Variants in TMEM178B observed in about 807,000 individuals in gnomAD.
The protein encoded by TMEM178B is transmembrane protein 178B.
TMEM178B carries 5 observed loss-of-function variants against 31.0 expected under a neutral mutation model. The observed-to-expected ratio is 0.16, with a 90% CI of 0.08 to 0.34. TMEM178B has a LOEUF of 0.34. Among genes scored for constraint, TMEM178B ranks in the 10% least tolerant of loss-of-function variants. The pLI is 1.00. For synonymous variants in TMEM178B, 164 were observed against 164.0 expected, an observed-to-expected ratio of 1.00 and a Z score of 0.00; for missense variants, 275 against 400.3, an observed-to-expected ratio of 0.69 and a Z score of 2.67.
chr7:141,395,451 T>G (rs1454423228), intron 2 of TMEM178B, among the ~76,000 whole-genome samples: 1 of 152,014 alleles, frequency 6.6e-6, no homozygotes, highest in Non-Finnish European at 1.5e-5. Context: ...AAAAACAAAA[T>G]CAAAAAGAAT....
intron 1 of TMEM178B, among the ~76,000 whole-genome samples, chr7:141,170,654 G>A (rs1796334047): frequency 6.6e-6 from 1 of 152,158 alleles, no homozygotes; most frequent in Non-Finnish European, 1.5e-5. Context: ...TTCCCAGAAT[G>A]GCTGCCACTA....
the TMEM178B span, among the ~76,000 whole-genome samples, chr7:141,504,750 T>A: frequency 6.6e-6 from 1 of 152,230 alleles, no homozygotes. Context: ...GTGGATGAAT[T>A]GTATAGTGGT....
intron 2 of TMEM178B, among the ~76,000 whole-genome samples, chr7:141,336,892 TAC>T: frequency 5.3e-5 from 1 of 18,948 alleles, no homozygotes; most frequent in South Asian, 1.8e-3. Flanking sequence ...CCATCACCGC[TAC>T]CACCACCACC....
At chr7:141,080,708 T>G (rs764156004) in intron 1 of TMEM178B, among the ~76,000 whole-genome samples, 13 of 152,230 alleles carry the variant, frequency 8.5e-5, no homozygotes, top group Non-Finnish European at 1.5e-4. Context: ...AGGTCTGCCC[T>G]TACGAAGCGC....
At chr7:141,240,846 G>A (rs1339641841) in intron 2 of TMEM178B, among the ~76,000 whole-genome samples, 3 of 152,042 alleles carry the variant, frequency 2.0e-5, no homozygotes, top group Non-Finnish European at 2.9e-5. Flanking sequence ...CTTGTGATTT[G>A]GTATCTGCTA....
intron 2 of TMEM178B, chr7:141,414,521 T>C (rs1801062799): frequency 6.7e-6 from 1 of 148,838 alleles, no homozygotes; most frequent in Non-Finnish European, 1.5e-5. Flanking sequence ...TGCAATATGC[T>C]TCTTACATAA....
At chr7:141,436,013 C>T (rs1049816832) in intron 2 of TMEM178B, among the ~76,000 whole-genome samples, 1 of 152,174 alleles carries the variant, frequency 6.6e-6, no homozygotes, top group Non-Finnish European at 1.5e-5. Flanking sequence ...CTCCCCACTC[C>T]CCGGCCAACT....
chr7:141,385,095 C>T (rs556218936), intron 2 of TMEM178B, among the ~76,000 whole-genome samples: 57 of 152,330 alleles, frequency 3.7e-4, no homozygotes, highest in African/African-American at 1.3e-3. Flanking sequence ...AACTAACCAT[C>T]AAAACTTAAA....
At chr7:141,180,237 G>A (rs1316023555) in intron 1 of TMEM178B, among the ~76,000 whole-genome samples, 1 of 152,082 alleles carries the variant, frequency 6.6e-6, no homozygotes, top group African/African-American at 2.4e-5. Flanking sequence ...TTCCAGCACA[G>A]GCTGAGGCTG....
intron 3 of TMEM178B, among the ~76,000 whole-genome samples, chr7:141,439,096 A>G (rs1461991126): frequency 2.6e-5 from 4 of 151,934 alleles, no homozygotes; most frequent in African/African-American, 9.7e-5. Context: ...TGGGGACAGG[A>G]GGAGTTCATT....
chr7:141,440,446 C>T (rs916575276), intron 3 of TMEM178B, among the ~76,000 whole-genome samples: 5 of 152,090 alleles, frequency 3.3e-5, no homozygotes, highest in African/African-American at 1.2e-4. Flanking sequence ...AAGAGATGAA[C>T]TTTCCAGTTC....
chr7:141,299,909 C>T (rs776625161), intron 2 of TMEM178B, among the ~76,000 whole-genome samples: 2 of 151,998 alleles, frequency 1.3e-5, no homozygotes, highest in African/African-American at 2.4e-5. Flanking sequence ...CTTAGCTTCC[C>T]GAGTAGCTGG....
chr7:141,120,882 T>G (rs1273174600), intron 1 of TMEM178B, among the ~76,000 whole-genome samples: 1 of 151,968 alleles, frequency 6.6e-6, no homozygotes, highest in Non-Finnish European at 1.5e-5. Flanking sequence ...GGAGGATCAC[T>G]TGAGCCCATG....
At chr7:141,093,691 T>C (rs762802836) in intron 1 of TMEM178B, among the ~76,000 whole-genome samples, 2 of 152,140 alleles carry the variant, frequency 1.3e-5, no homozygotes, top group Non-Finnish European at 2.9e-5. Context: ...AAAGAGACTG[T>C]GAGGAAGAGT....
chr7:141,104,562 A>G (rs991938019), intron 1 of TMEM178B, among the ~76,000 whole-genome samples: 9 of 152,224 alleles, frequency 5.9e-5, no homozygotes, highest in African/African-American at 2.2e-4. Context: ...TCTCTCGCTC[A>G]TTGAGACTGA....
downstream of TMEM178B, among the ~76,000 whole-genome samples, chr7:141,484,283 C>G (rs1209441452): frequency 6.6e-6 from 1 of 152,100 alleles, no homozygotes; most frequent in Non-Finnish European, 1.5e-5. This position sits in a 1 kb window ranked among gnomAD's most constrained non-coding sequence, Gnocchi z 4.8. Context: ...ATTGAAAATA[C>G]TCATTCCCTC....
intron 2 of TMEM178B, among the ~76,000 whole-genome samples, chr7:141,259,344 T>C (rs1797978535): frequency 6.6e-6 from 1 of 152,222 alleles, no homozygotes; most frequent in Non-Finnish European, 1.5e-5. Context: ...TGTCATACTT[T>C]AAAAATTCAT....
At chr7:141,103,672 A>C (rs965091694) in intron 1 of TMEM178B, among the ~76,000 whole-genome samples, 7 of 152,196 alleles carry the variant, frequency 4.6e-5, no homozygotes, top group Non-Finnish European at 5.9e-5. Flanking sequence ...TTGGGCTTCT[A>C]TGTAGCTTTA....
At chr7:141,203,787 G>C (rs1039997048) in intron 1 of TMEM178B, among the ~76,000 whole-genome samples, 6 of 152,194 alleles carry the variant, frequency 3.9e-5, no homozygotes, top group African/African-American at 1.4e-4. Context: ...GGGACAGCAT[G>C]AGATAATACG....
Sources: allele counts gnomAD v4.1 joint callset (sites outside exome capture counted in the v4.1 genomes callset), GRCh38; gene constraint gnomAD v4.1.1; non-coding constraint Gnocchi (gnomAD v3.1); transcripts MANE v1.5; gene names NCBI Gene and HGNC (gene_info 2026-07-23, HGNC 2026-07-21).